Variants in POLD1 observed in about 807,000 individuals in gnomAD.
The protein encoded by POLD1 is DNA polymerase delta catalytic subunit.
In POLD1, 79 loss-of-function variants were observed where a neutral mutation model predicts 129.7. That is an observed-to-expected ratio of 0.61 (90% confidence interval 0.51 to 0.73). The LOEUF (loss-of-function observed/expected upper bound fraction) is 0.73. Among genes scored for constraint, POLD1 ranks in the 30% least tolerant of loss-of-function variants. The pLI is 0.00. For missense variants in POLD1, 1,338 were observed against 1,595.8 expected (o/e 0.84, Z 2.75); for synonymous variants, 714 against 683.3 (o/e 1.04, Z -0.70).
rs201804732 is a variant in POLD1, at chr19:50,407,061, C to A, written c.1573C>A (p.Arg525=). ...DAYLPLRLLE[R]LMVLVNAVEM... ...CTACCTGCCACTGCGGCTGCTGGAG[C>A]GGCTCATGGTGCTGGTGAACGCCGT... The change falls in exon 13 of 27, where the codon CGG becomes AGG. Residue 525 remains arginine, a synonymous_variant. Transcript: ENST00000440232. 2 of 1,613,752 alleles carry A rather than the reference C, an allele frequency of 1.2e-6. No homozygotes were observed. The highest frequency in any genetic ancestry group is 1.3e-5 in the African/African-American group (1 of 75,032).
chr19:50,403,152 T>C lies in POLD1; in HGVS notation c.1070T>C (p.Leu357Pro), dbSNP rs143340270. ...CCCTTCCTACGCCTGGCGCTCACCC[T>C]GCGGCCCTGTGCCCCCATCCTGGGT... ...PEPFLRLALT[L>P]RPCAPILGAK... is the part of the protein sequence containing the mutation. The change falls in exon 9 of 27, where the codon CTG becomes CCG. Residue 357 changes from leucine to proline, a missense_variant. This residue lies in a region of POLD1 where 720 missense variants were observed against 1,002.6 expected (regional missense o/e 0.72). Coordinates refer to ENST00000440232, the MANE Select transcript of POLD1 (RefSeq NM_002691.4). 6 of 1,560,684 alleles carry C rather than the reference T, an allele frequency of 3.8e-6. No homozygotes were observed. Among genetic ancestry groups the C allele is most frequent in the Non-Finnish European group, 5.2e-6 (6 of 1,152,160 alleles).
chr19:50,411,490 C>T (rs2039086661), intron 17 of POLD1, among the ~76,000 whole-genome samples: 1 of 145,088 alleles, frequency 6.9e-6, no homozygotes, highest in African/African-American at 2.4e-5. Flanking sequence ...TGTCTCTTGA[C>T]CTCTTTCCTT....
rs374928804 is a variant in POLD1, at chr19:50,414,943, C to T, written c.2517C>T (p.Leu839=). The change falls in exon 20 of 27, where the codon CTC becomes CTT. Residue 839 remains leucine, a synonymous_variant. Transcript: ENST00000440232. ...LEAVRRDNCP[L]VANLVTASLR... Reference sequence around the variant, plus strand: ...CCGTGCGCAGGGACAACTGCCCCCTCGTGGCCAACCTGGTCACTGCCTCAC... The same window carrying T: ...CCGTGCGCAGGGACAACTGCCCCCTTGTGGCCAACCTGGTCACTGCCTCAC... The T allele has an allele frequency of 1.9e-5, 31 of 1,608,044 alleles. No homozygotes were observed. The highest frequency in any genetic ancestry group is 2.7e-5 in the African/African-American group (2 of 74,814).
In POLD1 at chr19:50,397,550, G is replaced by T. The variant is rs1293342041; in HGVS notation, c.-1-1301G>T. Among the ~76,000 whole-genome samples the T allele has an allele frequency of 2.0e-5, 3 of 151,608 alleles. No individual in the cohort carries two copies. The South Asian group carries it at 6.2e-4, about 32-fold the overall frequency. On this transcript the variant is annotated intron_variant, in intron 1 of 26. Transcript: ENST00000440232. Reference sequence around the variant, plus strand: ...CTCCTGAGTAGCTGGGATTACAGGCGCCTGCTACCTCACCTGGCTAATTTT... The same window carrying T: ...CTCCTGAGTAGCTGGGATTACAGGCTCCTGCTACCTCACCTGGCTAATTTT...
At chr19:50,386,886 G>A (rs529088523) in intron 1 of POLD1, among the ~76,000 whole-genome samples, 37 of 152,310 alleles carry the variant, frequency 2.4e-4, no homozygotes, top group Non-Finnish European at 4.3e-4. Context: ...GCAAGACCCT[G>A]TCTCTACAAA....
Position 50,395,876 on chromosome 19 carries a change from CT to C in POLD1, c.-1-2950del, listed in dbSNP as rs774272686. Reference sequence around the variant, plus strand: ...TGTCTAATCAACCAGAGGATATATACTTTTTTTTTTTTTTTTTTTTTTTTTG... The same window carrying C: ...TGTCTAATCAACCAGAGGATATATACTTTTTTTTTTTTTTTTTTTTTTTTG... On this transcript the variant is annotated intron_variant, in intron 1 of 26. Coordinates refer to ENST00000440232, the MANE Select transcript of POLD1 (RefSeq NM_002691.4). 4.3e-4 allele frequency among the ~76,000 whole-genome samples: 32 copies of C among 73,658 alleles called. No individual in the cohort carries two copies. The South Asian group carries it at 0.013, about 29-fold the overall frequency. The allele number at this position is 73,658 out of a possible 152,430, so 48.3% of individuals were successfully genotyped here.
chr19:50,389,132 C>CTT (rs111255239), intron 1 of POLD1, among the ~76,000 whole-genome samples: 35 of 141,654 alleles, frequency 2.5e-4, no homozygotes, highest in African/African-American at 7.8e-4. Context: ...CACCTGGCCT[C>CTT]TTTTTTTTTT....
Position 50,409,054 on chromosome 19 carries a change from G to T in POLD1, c.1893-68G>T. 1 of 1,376,276 alleles carries T rather than the reference G, an allele frequency of 7.3e-7. No individual in the cohort carries two copies. Among genetic ancestry groups the T allele is most frequent in the South Asian group, 1.2e-5 (1 of 83,778 alleles). The allele number at this position is 1,376,276 out of a possible 1,614,324, so 85.3% of individuals were successfully genotyped here. A position where few individuals can be genotyped will look rare whatever the true frequency, so the allele number is the denominator to read the frequency against. ...TGCGTGTGCTCATGGCCAAGGCCAG[G>T]ACCGTAGGGCAGAGGTGGGCTGGAG... On this transcript the variant is annotated intron_variant, in intron 15 of 26. Transcript: ENST00000440232. This position sits in a 1 kb window ranked among gnomAD's most constrained non-coding sequence, Gnocchi z 5.8.
In POLD1 at chr19:50,401,958, A is replaced by C. The variant is rs1015130330; in HGVS notation, c.463+34A>C. ...CCCCTACCCAGCCCCTCCCTGAGCC[A>C]CTGGAGCCCCCTGCACCTCTGATCA... On this transcript the variant is annotated intron_variant, in intron 4 of 26. Coordinates refer to ENST00000440232, the MANE Select transcript of POLD1 (RefSeq NM_002691.4). The C allele has an allele frequency of 5.0e-6, 8 of 1,613,570 alleles. No homozygotes were observed. The African/African-American group carries it at 1.1e-4, about 22-fold the overall frequency.
chr19:50,393,064 T>C (rs2038226683), intron 1 of POLD1, among the ~76,000 whole-genome samples: 1 of 152,252 alleles, frequency 6.6e-6, no homozygotes, highest in African/African-American at 2.4e-5. Flanking sequence ...GAAATAACCT[T>C]ATAAATGCAG....
At chr19:50,393,596 G>A (rs1398288038) in intron 1 of POLD1, among the ~76,000 whole-genome samples, 2 of 152,120 alleles carry the variant, frequency 1.3e-5, no homozygotes, top group African/African-American at 4.8e-5. Flanking sequence ...AGCCCGGGAG[G>A]TCAAGGCTGC....
At position 50,417,056 on chromosome 19, in the gene POLD1, G is replaced by A. The variant is rs1489140479; in HGVS notation, c.3079G>A (p.Glu1027Lys). 2.6e-6 allele frequency: 4 copies of A among 1,551,464 alleles called. No individual in the cohort carries two copies. The highest frequency in any genetic ancestry group is 3.5e-6 in the Non-Finnish European group (4 of 1,147,292). Residue 1027 changes from glutamate to lysine, a missense_variant, in exon 25 of 27, where the codon GAG becomes AAG. Physicochemically the swap from Glu to Lys is moderately conservative, Grantham distance 56. Around this residue, in one of 3 missense-constraint regions of POLD1, gnomAD observed 286 missense variants for 277.5 expected, o/e 1.03. Coordinates refer to ENST00000440232, the MANE Select transcript of POLD1 (RefSeq NM_002691.4). Reference sequence around the variant, plus strand: ...CCGCCTCCCCACAGGAGCCGTGTGTGAGTTCTGCCAGCCCCGGGAGTCTGA... The same window carrying A: ...CCGCCTCCCCACAGGAGCCGTGTGTAAGTTCTGCCAGCCCCGGGAGTCTGA... Reference protein sequence around the residue: ...TVLSHQGAVCEFCQPRESELY... With the variant: ...TVLSHQGAVCKFCQPRESELY...
intron 22 of POLD1, chr19:50,416,030 A>AG: frequency 1.7e-6 from 1 of 579,330 alleles, no homozygotes; most frequent in Non-Finnish European, 3.0e-6. Context: ...TCCCTATGGA[A>AG]GGGGCCCCAG....
At position 50,402,551 on chromosome 19, in the gene POLD1, G is replaced by A; in HGVS notation, c.840+16G>A. 1 of 1,582,454 alleles carries A rather than the reference G, an allele frequency of 6.3e-7. No homozygotes were observed. The highest frequency in any genetic ancestry group is 8.6e-7 in the Non-Finnish European group (1 of 1,164,596). The stretch of plus-strand genomic sequence containing the variant: ...GAAGGAGAAGGTGCAGGGCTTCCCA[G>A]GGCAGGGCTGGGTGGGGAGCTGGTA... On this transcript the variant is annotated intron_variant, in intron 7 of 26. Coordinates refer to ENST00000440232, the MANE Select transcript of POLD1 (RefSeq NM_002691.4).
At chr19:50,393,591 G>A (rs1243634906) in intron 1 of POLD1, among the ~76,000 whole-genome samples, 2 of 152,238 alleles carry the variant, frequency 1.3e-5, no homozygotes, top group East Asian at 1.9e-4. Context: ...ACCTGAGCCC[G>A]GGAGGTCAAG....
At position 50,414,820 on chromosome 19, in the gene POLD1, C is replaced by T. The variant is rs2122463698; in HGVS notation, c.2394C>T (p.Tyr798=). 1 of 1,552,294 alleles carries T rather than the reference C, an allele frequency of 6.4e-7. No homozygotes were observed. The highest frequency in any genetic ancestry group is 8.7e-7 in the Non-Finnish European group (1 of 1,144,230). Residue 798 remains tyrosine (Y), a synonymous_variant, in exon 20 of 27, where the codon TAC becomes TAT. Transcript: ENST00000440232. ...TGGCCATGGCTCCCTCCCAGGTCTA[C>T]TTCCCATACCTGCTTATCAGCAAGA... ...SPIRLEFEKV[Y]FPYLLISKKR...
At chr19:50,416,965 T>G (rs2039321710) in intron 24 of POLD1, 80 bp from the exon 25 acceptor site, 1 of 1,414,500 alleles carries the variant, frequency 7.1e-7, no homozygotes, top group Admixed American at 2.3e-5. Context: ...TTTCAGAAGC[T>G]GGGATTGGCA....
Position 50,417,076 on chromosome 19 carries a change from GTC to G in POLD1, c.3101_3102del (p.Ser1034Ter), listed in dbSNP as rs1347632735. The G allele has an allele frequency of 6.4e-6, 10 of 1,554,954 alleles. No homozygotes were observed. The highest frequency in any genetic ancestry group is 1.9e-5 in the Admixed American group (1 of 51,288). On this transcript the variant is annotated frameshift_variant, in exon 25 of 27. Transcript: ENST00000440232. LOFTEE classifies it high-confidence loss of function. ...TGTGTGAGTTCTGCCAGCCCCGGGA[GTC>G]TGAGCTGTATCAGAAGGAGGTGAGA... ...AVCEFCQPRE[S>X]ELYQKEVSHL...
rs61751955 is a variant in POLD1, at chr19:50,409,529, G to A, written c.2017G>A (p.Glu673Lys). 2.8e-4 allele frequency: 457 copies of A among 1,613,560 alleles called. No individual in the cohort carries two copies. Among genetic ancestry groups the A allele is most frequent in the Middle Eastern group, 5.0e-4 (3 of 6,054 alleles). ...LLSARKRAKA[E>K]LAKETDPLRR... ...CGTGTTCCCTCGCAGGGCCAAGGCC[G>A]AGCTGGCCAAGGAGACAGACCCCCT... Residue 673 changes from glutamate (E) to lysine (K), a missense_variant, in exon 17 of 27, where the codon GAG (glutamate) becomes AAG (lysine). By Grantham distance (56) the Glu-to-Lys change is moderately conservative. Coordinates refer to ENST00000440232, the MANE Select transcript of POLD1 (RefSeq NM_002691.4). The surrounding 1 kb of genome is among the most constrained non-coding windows in gnomAD (Gnocchi z 5.8).
Sources: gnomAD v4.1 joint callset for allele counts (sites outside exome capture counted in the v4.1 genomes callset) on GRCh38, gnomAD v4.1.1 for gene constraint, gnomAD v4.1.1 regional missense constraint, Gnocchi (gnomAD v3.1) non-coding constraint, MANE v1.5 for transcripts, NCBI Gene and HGNC (gene_info 2026-07-23, HGNC 2026-07-21) for gene names.